NUDCD1: variants seen among roughly 807,000 people sequenced by gnomAD.
The protein encoded by NUDCD1 is nudC domain-containing protein 1.
NUDCD1 carries 60 observed loss-of-function variants against 67.8 expected under a neutral mutation model. The observed-to-expected ratio is 0.88, with a 90% CI of 0.72 to 1.10. NUDCD1 has a LOEUF of 1.10. Among genes scored for constraint, NUDCD1 ranks in the 50% least tolerant of loss-of-function variants. The pLI, the probability that NUDCD1 is intolerant of heterozygous loss-of-function variation, is 0.00. For synonymous variants in NUDCD1, 244 were observed against 230.8 expected (o/e 1.06, Z -0.52); for missense variants, 643 against 695.0 (o/e 0.93, Z 0.84).
intron 6 of NUDCD1, among the ~76,000 whole-genome samples, chr8:109,280,687 C>A (rs1814413928): frequency 6.6e-6 from 1 of 152,086 alleles, no homozygotes; most frequent in Admixed American, 6.6e-5. Flanking sequence ...TGAAAAAGTG[C>A]AATTTAAAAT....
chr8:109,266,529 C>A (rs1204622921), intron 8 of NUDCD1, among the ~76,000 whole-genome samples: 1 of 151,720 alleles, frequency 6.6e-6, no homozygotes, highest in Non-Finnish European at 1.5e-5. Flanking sequence ...CAGGTGTGAG[C>A]CACCTCGCCC....
intron 2 of NUDCD1, among the ~76,000 whole-genome samples, chr8:109,318,641 A>T (rs1204058565): frequency 6.6e-6 from 1 of 152,178 alleles, no homozygotes; most frequent in African/African-American, 2.4e-5. Flanking sequence ...AACAAGAAAC[A>T]ATCAGAATTT....
At chr8:109,245,593 T>C (rs558523715) in intron 8 of NUDCD1, 112 bp from the exon 9 acceptor site, 566 of 719,926 alleles carry the variant, frequency 7.9e-4, no homozygotes, top group Non-Finnish European at 1.1e-3. Context: ...TTTATACTTT[T>C]TATATACTTA....
chr8:109,316,545 C>T (rs1030845871), intron 2 of NUDCD1: 4 of 152,118 alleles, frequency 2.6e-5, no homozygotes, highest in Non-Finnish European at 4.4e-5. Flanking sequence ...AATTATTAAA[C>T]AATAAAATGG....
intron 7 of NUDCD1, among the ~76,000 whole-genome samples, chr8:109,274,512 C>T (rs1247133253): frequency 6.6e-6 from 1 of 152,128 alleles, no homozygotes; most frequent in East Asian, 1.9e-4. Context: ...GCTATGAAAT[C>T]AAAGTTTTGC....
intron 2 of NUDCD1, among the ~76,000 whole-genome samples, chr8:109,312,500 T>G (rs571258439): frequency 3.7e-4 from 57 of 152,324 alleles, no homozygotes; most frequent in Non-Finnish European, 6.6e-4. Context: ...TATGGTTTTA[T>G]TAAGTTTTAT....
At chr8:109,247,853 T>C (rs147136463) in intron 8 of NUDCD1, among the ~76,000 whole-genome samples, 4,959 of 152,294 alleles carry the variant, frequency 0.033, 102 homozygotes, top group Middle Eastern at 0.11. Context: ...AGATTATTAA[T>C]ATTTTTACAT....
intron 8 of NUDCD1, among the ~76,000 whole-genome samples, chr8:109,258,745 C>G (rs1813796795): frequency 6.6e-6 from 1 of 151,982 alleles, no homozygotes; most frequent in Non-Finnish European, 1.5e-5. Flanking sequence ...AAGGAAAGGA[C>G]TGAATTCTAC....
chr8:109,270,995 A>G lies in NUDCD1; in HGVS notation c.1299+10T>C. On this transcript the variant is annotated intron_variant, in intron 8 of 9. Coordinates refer to ENST00000239690, the MANE Select transcript of NUDCD1 (RefSeq NM_032869.4). ...ACAAAATTTTAGAAATATTAATATC[A>G]GTAACTTACCACATGAGTAGTTTTT... 2 of 1,549,110 alleles carry G rather than the reference A, an allele frequency of 1.3e-6. No individual in the cohort carries two copies.
At chr8:109,308,244 A>C (rs1482590165) in intron 2 of NUDCD1, among the ~76,000 whole-genome samples, 2 of 152,240 alleles carry the variant, frequency 1.3e-5, no homozygotes, top group African/African-American at 4.8e-5. Flanking sequence ...TCAAAAAATG[A>C]AATCAAGATG....
intron 2 of NUDCD1, among the ~76,000 whole-genome samples, chr8:109,304,467 C>T (rs113492543): frequency 0.021 from 3,153 of 152,266 alleles, 111 homozygotes; most frequent in African/African-American, 0.072. Context: ...CCACGTCTAT[C>T]CTTGAGGCTA....
intron 2 of NUDCD1, among the ~76,000 whole-genome samples, chr8:109,301,095 A>C (rs1814977112): frequency 6.6e-6 from 1 of 152,204 alleles, no homozygotes; most frequent in Non-Finnish European, 1.5e-5. Flanking sequence ...CTCTGAGCCC[A>C]AGCTAAGCCA....
intron 2 of NUDCD1, among the ~76,000 whole-genome samples, chr8:109,319,050 T>A (rs1293062110): frequency 6.6e-6 from 1 of 151,124 alleles, no homozygotes; most frequent in African/African-American, 2.4e-5. Context: ...CTCTGCTCAC[T>A]GCAAGCTCTG....
At chr8:109,306,101 C>G (rs1408899973) in intron 2 of NUDCD1, among the ~76,000 whole-genome samples, 2 of 152,208 alleles carry the variant, frequency 1.3e-5, no homozygotes, top group African/African-American at 4.8e-5. Flanking sequence ...CTTACTCCTA[C>G]TCACCACTCT....
At chr8:109,303,390 A>G (rs111397150) in intron 2 of NUDCD1, among the ~76,000 whole-genome samples, 9,176 of 152,086 alleles carry the variant, frequency 0.06, 949 homozygotes, top group African/African-American at 0.21. Flanking sequence ...TATGGAGGCC[A>G]CCCACTCCAC....
chr8:109,313,017 A>G (rs1348529304), intron 2 of NUDCD1, among the ~76,000 whole-genome samples: 1 of 152,180 alleles, frequency 6.6e-6, no homozygotes, highest in African/African-American at 2.4e-5. Context: ...TAAGATACCC[A>G]TTACATAAAC....
intron 2 of NUDCD1, among the ~76,000 whole-genome samples, chr8:109,299,628 C>T (rs192823556): frequency 1.2e-4 from 19 of 152,256 alleles, no homozygotes; most frequent in East Asian, 9.7e-4. Context: ...AGCTCAGACA[C>T]GCCTAGCCCT....
At chr8:109,281,489 TAAAC>T (rs1373331798) in intron 5 of NUDCD1, among the ~76,000 whole-genome samples, 14 of 151,920 alleles carry the variant, frequency 9.2e-5, no homozygotes, top group South Asian at 2.1e-4. Context: ...TTCTTTCCTT[TAAAC>T]AAACACACAC....
At chr8:109,260,557 T>C (rs1241981131) in intron 8 of NUDCD1, among the ~76,000 whole-genome samples, 1 of 152,156 alleles carries the variant, frequency 6.6e-6, no homozygotes, top group Non-Finnish European at 1.5e-5. Context: ...GCAAACAGAA[T>C]TTAAAACAAG....
Sources: allele counts gnomAD v4.1 joint callset (sites outside exome capture counted in the v4.1 genomes callset), GRCh38; gene constraint gnomAD v4.1.1; transcripts MANE v1.5; gene names NCBI Gene and HGNC (gene_info 2026-07-23, HGNC 2026-07-21).